The following DPP10 variants were observed in gnomAD, a reference collection of about 807,000 sequenced individuals.
DPP10 encodes inactive dipeptidyl peptidase 10.
A neutral mutation model predicts 120.9 loss-of-function variants in DPP10; 33 were observed. The ratio of observed to expected loss-of-function variants is 0.27; its 90% CI spans 0.21 to 0.37. The LOEUF is 0.37. DPP10 is among the 10% of genes least tolerant of loss of function. The pLI is 1.00. For synonymous variants in DPP10, 337 were observed against 326.1 expected (o/e 1.03, Z -0.36); for missense variants, 816 against 942.8 (o/e 0.87, Z 1.76).
intron 1 of DPP10, among the ~76,000 whole-genome samples, chr2:114,767,911 A>G (rs1353652792): frequency 6.6e-6 from 1 of 152,154 alleles, no homozygotes; most frequent in Non-Finnish European, 1.5e-5. Flanking sequence ...ACCTGAGGTC[A>G]GGAGTTTGAA....
At chr2:114,885,891 T>C (rs1470521216) in intron 1 of DPP10, among the ~76,000 whole-genome samples, 3 of 152,204 alleles carry the variant, frequency 2.0e-5, no homozygotes, top group African/African-American at 7.2e-5. Context: ...AAGCATCACA[T>C]TTCTAATTTG....
At chr2:114,931,243 G>A (rs1425185927) in intron 1 of DPP10, among the ~76,000 whole-genome samples, 3 of 152,100 alleles carry the variant, frequency 2.0e-5, no homozygotes, top group Non-Finnish European at 2.9e-5. Context: ...CTGAAGCTGG[G>A]AAATTTATAA....
intron 1 of DPP10, among the ~76,000 whole-genome samples, chr2:115,269,864 C>G (rs962515337): frequency 6.6e-6 from 1 of 151,944 alleles, no homozygotes; most frequent in African/African-American, 2.4e-5. Context: ...AAGTACTTAC[C>G]CTGCCATTCT....
At chr2:115,300,168 G>T (rs564950805) in intron 1 of DPP10, among the ~76,000 whole-genome samples, 1 of 152,162 alleles carries the variant, frequency 6.6e-6, no homozygotes, top group African/African-American at 2.4e-5. Flanking sequence ...GCCGTCTCTA[G>T]AACTTTTTTC....
At chr2:114,831,881 G>A (rs999140689) in intron 1 of DPP10, among the ~76,000 whole-genome samples, 10 of 146,456 alleles carry the variant, frequency 6.8e-5, no homozygotes, top group Non-Finnish European at 7.5e-5. Flanking sequence ...TAATATATAT[G>A]TATATATATA....
At chr2:114,523,509 T>C (rs1247590167) in intron 1 of DPP10, among the ~76,000 whole-genome samples, 1 of 152,228 alleles carries the variant, frequency 6.6e-6, no homozygotes, top group Non-Finnish European at 1.5e-5. Flanking sequence ...TAGCTTTCCC[T>C]GTCACTGACT....
chr2:114,774,367 G>T (rs910946358), intron 1 of DPP10, among the ~76,000 whole-genome samples: 1 of 151,318 alleles, frequency 6.6e-6, no homozygotes, highest in Non-Finnish European at 1.5e-5. Context: ...TACCACGTTT[G>T]TTACAGAATG....
chr2:115,607,764 T>G (rs1329067926), intron 5 of DPP10, among the ~76,000 whole-genome samples: 1 of 152,116 alleles, frequency 6.6e-6, no homozygotes, highest in Non-Finnish European at 1.5e-5. Context: ...TGGTGTCTTA[T>G]ATATAGTATA....
intron 24 of DPP10, among the ~76,000 whole-genome samples, chr2:115,838,100 C>T (rs865798785): frequency 3.9e-5 from 6 of 152,046 alleles, no homozygotes; most frequent in East Asian, 3.9e-4. Flanking sequence ...AACTGGAGGA[C>T]GGGTATCCAG....
At chr2:115,400,478 T>TA (rs35721835) in intron 3 of DPP10, among the ~76,000 whole-genome samples, 23,639 of 146,950 alleles carry the variant, frequency 0.16, 2,198 homozygotes, top group African/African-American at 0.27. Context: ...TACCCATAAG[T>TA]AAAAAAAAAA....
In DPP10 at chr2:115,469,573, T is replaced by C. The variant is rs938698663; in HGVS notation, c.272-29937T>C. Among the ~76,000 whole-genome samples, 7 of 152,312 alleles carry C rather than the reference T, an allele frequency of 4.6e-5. 1 individual carries two copies. The highest frequency in any genetic ancestry group is 1.7e-4 in the African/African-American group (7 of 41,580). On this transcript the variant is annotated intron_variant, in intron 3 of 25. Coordinates refer to ENST00000410059, the MANE Select transcript of DPP10 (RefSeq NM_020868.6). ...CTACGATTACAGATTGAAATTACTTTTTAAAAAGTTAACGTCCCAGGTTCT... is the reference window on the plus strand; with the variant it reads ...CTACGATTACAGATTGAAATTACTTCTTAAAAAGTTAACGTCCCAGGTTCT...
intron 1 of DPP10, among the ~76,000 whole-genome samples, chr2:115,228,759 T>G (rs2057578818): frequency 6.6e-6 from 1 of 152,146 alleles, no homozygotes; most frequent in Non-Finnish European, 1.5e-5. Context: ...GTACAACAAT[T>G]TCTTCATCCA....
At chr2:115,074,911 T>G (rs1056034994) in intron 1 of DPP10, among the ~76,000 whole-genome samples, 1 of 152,196 alleles carries the variant, frequency 6.6e-6, no homozygotes, top group Admixed American at 6.5e-5. Context: ...TTGGCAGGAT[T>G]AAATAAATCT....
chr2:115,470,108 C>T (rs1222910753), intron 3 of DPP10, among the ~76,000 whole-genome samples: 1 of 151,966 alleles, frequency 6.6e-6, no homozygotes, highest in Non-Finnish European at 1.5e-5. Context: ...TGGTTAGTTA[C>T]AACAAACAAT....
At chr2:115,771,666 C>A (rs1017102496) in intron 13 of DPP10, among the ~76,000 whole-genome samples, 8 of 152,086 alleles carry the variant, frequency 5.3e-5, no homozygotes, top group Non-Finnish European at 1.0e-4. Flanking sequence ...CTTTCCTTCC[C>A]TTGCTGTGCT....
At chr2:114,710,820 T>G (rs879330680) in intron 1 of DPP10, among the ~76,000 whole-genome samples, 1 of 152,188 alleles carries the variant, frequency 6.6e-6, no homozygotes, top group Non-Finnish European at 1.5e-5. Flanking sequence ...GAATGACACC[T>G]GCAAATTTAG....
At chr2:115,477,646 C>T (rs750846557) in intron 3 of DPP10, among the ~76,000 whole-genome samples, 10 of 152,004 alleles carry the variant, frequency 6.6e-5, no homozygotes, top group Non-Finnish European at 1.2e-4. Flanking sequence ...ATAGACAAAC[C>T]CTTCCTAAAA....
At chr2:115,422,862 A>T (rs2070105988) in intron 3 of DPP10, among the ~76,000 whole-genome samples, 1 of 152,102 alleles carries the variant, frequency 6.6e-6, no homozygotes, top group Non-Finnish European at 1.5e-5. Context: ...TACATAAGGG[A>T]TTCACATTCG....
At chr2:115,545,165 A>G (rs376295758) in intron 5 of DPP10, among the ~76,000 whole-genome samples, 24 of 152,250 alleles carry the variant, frequency 1.6e-4, no homozygotes, top group African/African-American at 3.6e-4. Flanking sequence ...CTCCATGTCA[A>G]TGGCAAAAGG....
Sources: allele counts gnomAD v4.1 joint callset (sites outside exome capture counted in the v4.1 genomes callset), GRCh38; gene constraint gnomAD v4.1.1; transcripts MANE v1.5; gene names NCBI Gene and HGNC (gene_info 2026-07-23, HGNC 2026-07-21).